PVT1: variants seen among roughly 807,000 people sequenced by gnomAD.
PVT1 encodes CXCR4/PVT1 fusion.
chr8:127,919,576 G>A (rs763719948), intron 3 of PVT1, among the ~76,000 whole-genome samples: 16 of 152,152 alleles, frequency 1.1e-4, no homozygotes, highest in African/African-American at 2.7e-4. Context: ...TACCCACTCC[G>A]GCTCTATTGG....
At chr8:128,018,541 A>C (rs1316122692) in intron 4 of PVT1, among the ~76,000 whole-genome samples, 1 of 152,228 alleles carries the variant, frequency 6.6e-6, no homozygotes, top group Non-Finnish European at 1.5e-5. Context: ...GAGAAATGCC[A>C]GGGAGATAGG....
intron 2 of PVT1, among the ~76,000 whole-genome samples, chr8:127,814,457 C>T (rs12680058): frequency 0.2 from 30,398 of 152,044 alleles, 3,271 homozygotes; most frequent in South Asian, 0.31. Context: ...TCCAGCTGCA[C>T]GCTGGGCATC....
chr8:127,866,861 T>C (rs1297639031), intron 2 of PVT1, among the ~76,000 whole-genome samples: 16 of 152,178 alleles, frequency 1.1e-4, no homozygotes, highest in Non-Finnish European at 1.5e-5. Flanking sequence ...CTACACATTA[T>C]GCCAGGTAAA....
At chr8:127,922,224 TATACTA>T (rs1816069710) in intron 3 of PVT1, among the ~76,000 whole-genome samples, 1 of 151,942 alleles carries the variant, frequency 6.6e-6, no homozygotes, top group Non-Finnish European at 1.5e-5. Context: ...TTATAAATTG[TATACTA>T]ATAAAGTCAT....
chr8:127,860,364 C>T (rs1366998501), intron 2 of PVT1, among the ~76,000 whole-genome samples: 1 of 152,148 alleles, frequency 6.6e-6, no homozygotes, highest in Non-Finnish European at 1.5e-5. Flanking sequence ...CTGAGCACTC[C>T]GGAGAGGAGC....
chr8:127,933,037 T>C (rs1816229018), intron 3 of PVT1, among the ~76,000 whole-genome samples: 1 of 152,230 alleles, frequency 6.6e-6, no homozygotes, highest in African/African-American at 2.4e-5. Context: ...ATTGCCCTTT[T>C]ATAGATGGGA....
chr8:128,083,988 C>T (rs1015550146), intron 5 of PVT1, among the ~76,000 whole-genome samples: 36 of 152,086 alleles, frequency 2.4e-4, no homozygotes, highest in African/African-American at 8.7e-4. Flanking sequence ...CTCTTTTTAC[C>T]CCCTACTTAC....
intron 5 of PVT1, among the ~76,000 whole-genome samples, chr8:128,076,335 G>T (rs1814089931): frequency 6.6e-6 from 1 of 152,132 alleles, no homozygotes; most frequent in Non-Finnish European, 1.5e-5. Flanking sequence ...CTATATGTTG[G>T]GGTGGGGAAG....
chr8:128,016,383 A>G (rs1254583488), intron 4 of PVT1, among the ~76,000 whole-genome samples: 1 of 152,100 alleles, frequency 6.6e-6, no homozygotes, highest in Non-Finnish European at 1.5e-5. Context: ...CTTGCATAAC[A>G]TGTGTCACCA....
intron 6 of PVT1, among the ~76,000 whole-genome samples, chr8:128,097,311 A>G (rs1355682010): frequency 1.0e-5 from 1 of 95,304 alleles, no homozygotes; most frequent in East Asian, 3.2e-4. Context: ...CAGGGAGCTG[A>G]GATAGCGCCA....
At chr8:127,807,162 G>A (rs534907769) in intron 2 of PVT1, among the ~76,000 whole-genome samples, 3 of 152,270 alleles carry the variant, frequency 2.0e-5, no homozygotes, top group Admixed American at 6.5e-5. Context: ...TTCACAGTTC[G>A]TGCTGTATGT....
chr8:127,817,736 A>G (rs973084050), intron 2 of PVT1, among the ~76,000 whole-genome samples: 5 of 150,990 alleles, frequency 3.3e-5, no homozygotes, highest in Non-Finnish European at 7.4e-5. Context: ...AAAAATAAAA[A>G]AAAAAAAATT....
intron 2 of PVT1, among the ~76,000 whole-genome samples, chr8:127,863,181 G>A (rs1815248083): frequency 1.3e-5 from 2 of 151,618 alleles, no homozygotes; most frequent in Non-Finnish European, 2.9e-5. Flanking sequence ...GCATGATCTC[G>A]GCTCACTGCA....
chr8:128,057,550 G>GGT (rs1813776982), intron 4 of PVT1, among the ~76,000 whole-genome samples: 1 of 152,178 alleles, frequency 6.6e-6, no homozygotes, highest in African/African-American at 2.4e-5. Context: ...CAGAAAGTCA[G>GGT]GAGCCACCCT....
At chr8:127,982,086 C>T (rs1365101983) in intron 3 of PVT1, among the ~76,000 whole-genome samples, 1 of 152,218 alleles carries the variant, frequency 6.6e-6, no homozygotes, top group African/African-American at 2.4e-5. Flanking sequence ...TGTGACCATT[C>T]TGTGACGTGG....
rs141872503 is a variant in PVT1 at position 127,925,711 on chromosome 8, G to A, written n.782+34713G>A. On this transcript the variant is annotated intron_variant and non_coding_transcript_variant, in intron 3 of 10. Transcript: ENST00000651587. ...GGCTGGAGTGCAGTGGTGCCATCTC[G>A]GCTCACCGCAACCTCTGCCTCCTGG... Among the ~76,000 whole-genome samples, 886 of 152,014 alleles carry A rather than the reference G, an allele frequency of 5.8e-3. 18 individuals carry two copies. The highest frequency in any genetic ancestry group is 0.02 in the African/African-American group (840 of 41,444).
At chr8:128,076,274 C>CCAGGATTATAGCTCTTTAGACTGAATA (rs1479711791) in intron 5 of PVT1, among the ~76,000 whole-genome samples, 1 of 152,154 alleles carries the variant, frequency 6.6e-6, no homozygotes, top group Non-Finnish European at 1.5e-5. Context: ...ACTGGGCCTA[C>CCAGGATTATAGCTCTTTAGACTGAATA]ACACTGCCAC....
chr8:128,100,155 CT>C (rs1814486046), intron 6 of PVT1, among the ~76,000 whole-genome samples: 1 of 70,700 alleles, frequency 1.4e-5, no homozygotes, highest in African/African-American at 4.1e-5. Context: ...TCCTTCCTTC[CT>C]TCCTTCTTTC....
At chr8:127,881,300 G>A (rs73357051) in intron 2 of PVT1, among the ~76,000 whole-genome samples, 2,653 of 151,876 alleles carry the variant, frequency 0.017, 77 homozygotes, top group African/African-American at 0.06. Context: ...ACTGTGTGCC[G>A]GAGCACTCTC....
Sources: gnomAD v4.1 joint callset for allele counts (sites outside exome capture counted in the v4.1 genomes callset) on GRCh38, gnomAD v4.1.1 for gene constraint, MANE v1.5 for transcripts, NCBI Gene and HGNC (gene_info 2026-07-23, HGNC 2026-07-21) for gene names.